ESPN: variants seen among roughly 807,000 people sequenced by gnomAD.
The protein encoded by ESPN is espin.
In ESPN, 68 loss-of-function variants were observed where a neutral mutation model predicts 77.7. The ratio of observed to expected loss-of-function variants is 0.87; its 90% CI spans 0.72 to 1.07. The LOEUF (loss-of-function observed/expected upper bound fraction) is 1.07. ESPN is among the 50% of genes least tolerant of loss of function. ESPN has a pLI of 0.00. For synonymous variants in ESPN, 449 were observed against 567.1 expected (o/e 0.79, Z 2.96); for missense variants, 1,060 against 1,239.0 (o/e 0.86, Z 2.17).
chr1:6,426,679 C>T (rs969425182), intron 1 of ESPN, among the ~76,000 whole-genome samples: 9 of 152,140 alleles, frequency 5.9e-5, no homozygotes. Flanking sequence ...CAGTGGGACC[C>T]CTGGAGCTTC....
intron 10 of ESPN, chr1:6,454,941 T>C (rs951486667): frequency 5.2e-6 from 2 of 384,010 alleles, no homozygotes; most frequent in African/African-American, 4.2e-5. Flanking sequence ...GATCCTCGAG[T>C]GCGGCGTCTC....
chr1:6,460,102 C>A lies in ESPN; in HGVS notation c.2521C>A (p.Gln841Lys). ...GYDESKLAPWQRQVILKKGDI... is the reference protein window; with the variant it reads ...GYDESKLAPWKRQVILKKGDI... ...CGATGAGAGCAAGCTGGCGCCCTGG[C>A]AGCGACAGGTCATCCTGAAGAAGGG... Residue 841 changes from glutamine to lysine, a missense_variant, in exon 13 of 13, where the codon CAG (glutamine) becomes AAG (lysine). This residue lies in a region of ESPN where 374 missense variants were observed against 381.4 expected (regional missense o/e 0.98). Coordinates refer to ENST00000645284, the MANE Select transcript of ESPN (RefSeq NM_031475.3). 1 of 1,613,240 alleles carries A rather than the reference C, an allele frequency of 6.2e-7. No individual in the cohort carries two copies.
Position 6,444,575 on chromosome 1 carries a change from C to G in ESPN, c.1085C>G (p.Ser362Trp). Reference sequence around the variant, plus strand: ...ATGTCCTCACCCAATACCACGGTGTCGGTCCAGCCGCTGAACTTTGACCTC... The same window carrying G: ...ATGTCCTCACCCAATACCACGGTGTGGGTCCAGCCGCTGAACTTTGACCTC... The part of the protein sequence containing the change: ...SGMSSPNTTV[S>W]VQPLNFDLSS... The change falls in exon 6 of 13, where the codon TCG becomes TGG. Residue 362 changes from serine to tryptophan, a missense_variant. By Grantham distance (177) the Ser-to-Trp change is radical (BLOSUM62 -3). Transcript: ENST00000645284. 2 of 1,614,240 alleles carry G rather than the reference C, an allele frequency of 1.2e-6. No homozygotes were observed.
chr1:6,446,439 A>G (rs1295833585), intron 7 of ESPN, among the ~76,000 whole-genome samples: 1 of 152,070 alleles, frequency 6.6e-6, no homozygotes, highest in Admixed American at 6.5e-5. Flanking sequence ...GCTGGGTGGA[A>G]GTGAAGCTGT....
chr1:6,459,236 G>A (rs1199316236), intron 12 of ESPN, among the ~76,000 whole-genome samples: 3 of 140,672 alleles, frequency 2.1e-5, no homozygotes, highest in Middle Eastern at 3.5e-3. Context: ...GCGAGACTCT[G>A]TCTCAATTAA....
intron 10 of ESPN, chr1:6,454,384 G>A: frequency 5.0e-6 from 2 of 398,750 alleles, no homozygotes; most frequent in East Asian, 3.6e-5. Context: ...GCGGGAGCTA[G>A]GCCAGAGGGA....
chr1:6,449,213 G>A (rs1374071658), intron 8 of ESPN, 122 bp downstream of exon 8: 4 of 1,035,346 alleles, frequency 3.9e-6, no homozygotes, highest in Admixed American at 3.8e-5. Context: ...ATGGTCTTCC[G>A]GCCACCCCTA....
intron 5 of ESPN, among the ~76,000 whole-genome samples, chr1:6,442,352 C>A (rs540407024): frequency 6.6e-5 from 10 of 152,088 alleles, no homozygotes; most frequent in Non-Finnish European, 8.8e-5. Flanking sequence ...AGGCAGATCA[C>A]GAGGTCAGTA....
At chr1:6,441,386 C>G (rs1193801007) in intron 5 of ESPN, among the ~76,000 whole-genome samples, 1 of 152,208 alleles carries the variant, frequency 6.6e-6, no homozygotes, top group African/African-American at 2.4e-5. Context: ...CTCACAGCCA[C>G]CCTCTGCAGA....
rs752128711 is a variant in ESPN at position 6,440,668 on chromosome 1, G to A, written c.718G>A (p.Gly240Ser). Residue 240 changes from glycine to serine, a missense_variant, in exon 4 of 13, where the codon GGC (glycine) becomes AGC (serine). Gly to Ser is a moderately conservative substitution (Grantham distance 56). Transcript: ENST00000645284. Reference protein sequence around the residue: ...DVSLSEQDKDGATAMHFAASR... With the variant: ...DVSLSEQDKDSATAMHFAASR... The stretch of plus-strand genomic sequence containing the variant: ...GAGCCTGTCCGAGCAGGACAAAGAC[G>A]GCGCCACCGCCATGCACTTCGCGGC... The A allele has an allele frequency of 3.5e-6, 5 of 1,440,530 alleles. No homozygotes were observed. Among genetic ancestry groups the A allele is most frequent in the South Asian group, 1.2e-5 (1 of 81,762 alleles). 89.2% of individuals were successfully genotyped at this position (1,440,530 alleles called of 1,614,324 possible).
Position 6,451,609 on chromosome 1 carries a change from A to G in ESPN, c.1922A>G (p.Lys641Arg), listed in dbSNP as rs1643944190. 1.2e-6 allele frequency: 2 copies of G among 1,612,924 alleles called. No homozygotes were observed. Among genetic ancestry groups the G allele is most frequent in the Non-Finnish European group, 1.7e-6 (2 of 1,179,826 alleles). The change falls in exon 9 of 13, where the codon AAG becomes AGG. Residue 641 changes from lysine (K) to arginine (R), a missense_variant. By Grantham distance (26) the Lys-to-Arg change is conservative. Transcript: ENST00000645284. The surrounding 1 kb of genome is among the most constrained non-coding windows in gnomAD (Gnocchi z 4.3). The part of the protein sequence containing the change: ...RRSSSSTGST[K>R]SFNMMSPTGD... ...ATCTCCTGCCTCCGCATAGGCACCA[A>G]GTCTTTCAACATGATGTCCCCGACG...
rs201616591 is a variant in ESPN at position 6,447,164 on chromosome 1, T to TG, written c.1464+1229_1464+1230insG. Reference sequence around the variant, plus strand: ...GCCCCCTCCCGGCTGTGTGCGTCCCTCCGGGCTGTGTGCGCCCCTCCCGGC... The same window carrying TG: ...GCCCCCTCCCGGCTGTGTGCGTCCCTGCCGGGCTGTGTGCGCCCCTCCCGGC... On this transcript the variant is annotated intron_variant, in intron 7 of 12. Coordinates refer to ENST00000645284, the MANE Select transcript of ESPN (RefSeq NM_031475.3). This position sits in a 1 kb window ranked among gnomAD's most constrained non-coding sequence, Gnocchi z 5.2. Among the ~76,000 whole-genome samples the TG allele has an allele frequency of 2.7e-5, 4 of 150,728 alleles. No homozygotes were observed. Among genetic ancestry groups the TG allele is most frequent in the Admixed American group, 2.0e-4 (3 of 15,206 alleles).
intron 12 of ESPN, among the ~76,000 whole-genome samples, chr1:6,459,340 G>A (rs186456371): frequency 1.4e-4 from 21 of 152,056 alleles, no homozygotes; most frequent in African/African-American, 4.1e-4. Context: ...CCAGGAGGTC[G>A]AGGCTGCAGT....
Position 6,451,388 on chromosome 1 carries a change from G to C in ESPN, c.1916-215G>C. On this transcript the variant is annotated intron_variant, in intron 8 of 12. Coordinates refer to ENST00000645284, the MANE Select transcript of ESPN (RefSeq NM_031475.3). The surrounding 1 kb of genome is among the most constrained non-coding windows in gnomAD (Gnocchi z 4.3). ...TCCATCCCGTGAGTAGGGTGGGGAA[G>C]ATGGTGGGGTTGCCACAGTCAGGGA... is the stretch of plus-strand genomic sequence containing the variant. 1 of 634,570 alleles carries C rather than the reference G, an allele frequency of 1.6e-6. No individual in the cohort carries two copies. The allele number at this position is 634,570 out of a possible 1,614,324, so 39.3% of individuals were successfully genotyped here. A position where few individuals can be genotyped will look rare whatever the true frequency, so the allele number is the denominator to read the frequency against.
At chr1:6,440,153 C>G in intron 2 of ESPN, 101 bp from the exon 3 acceptor site, 1 of 1,295,732 alleles carries the variant, frequency 7.7e-7, no homozygotes. Context: ...CACCCACTCT[C>G]CCTGCCGTCC....
Position 6,448,996 on chromosome 1 carries a change from C to G in ESPN, c.1820C>G (p.Pro607Arg). 6.9e-7 allele frequency: 1 copy of G among 1,452,488 alleles called. No individual in the cohort carries two copies. Among genetic ancestry groups the G allele is most frequent in the Non-Finnish European group, 9.0e-7 (1 of 1,108,212 alleles). The allele number at this position is 1,452,488 out of a possible 1,614,324, so 90.0% of individuals were successfully genotyped here. Residue 607 changes from proline (P) to arginine (R), a missense_variant, in exon 8 of 13, where the codon CCG becomes CGG. Around this residue, in one of 3 missense-constraint regions of ESPN, gnomAD observed 374 missense variants for 381.4 expected, o/e 0.98. Transcript: ENST00000645284. Reference sequence around the variant, plus strand: ...CCCCCACCGCCGCCGCCGCCCCTGCCGGAGGCCGCGAGTTCGCCACCGCCG... The same window carrying G: ...CCCCCACCGCCGCCGCCGCCCCTGCGGGAGGCCGCGAGTTCGCCACCGCCG... ...PPPPPPPPPL[P>R]EAASSPPPAP... is the part of the protein sequence containing the mutation.
In ESPN at chr1:6,460,433, T is replaced by TATCA; in HGVS notation, c.*289_*292dup. The TATCA allele has an allele frequency of 2.5e-6, 1 of 404,496 alleles. No homozygotes were observed. The highest frequency in any genetic ancestry group is 4.6e-6 in the Non-Finnish European group (1 of 218,312). The allele number at this position is 404,496 out of a possible 1,614,324, so 25.1% of individuals were successfully genotyped here. ...TACATATATTTGCATGTTCGTTGACTATCAAAGAGTGCAGAGCTCTCCCCA... is the reference window on the plus strand; with the variant it reads ...TACATATATTTGCATGTTCGTTGACTATCAATCAAAGAGTGCAGAGCTCTCCCCA... On this transcript the variant is annotated 3_prime_UTR_variant, in exon 13 of 13. Coordinates refer to ENST00000645284, the MANE Select transcript of ESPN (RefSeq NM_031475.3).
Position 6,425,007 on chromosome 1 carries a change from C to T in ESPN, c.52C>T (p.Leu18=), listed in dbSNP as rs1240875389. The change falls in exon 1 of 13, where the codon CTG becomes TTG. Residue 18 remains leucine (L), a synonymous_variant. Coordinates refer to ENST00000645284, the MANE Select transcript of ESPN (RefSeq NM_031475.3). ...GGCGCGGCAGGGCGAGCTGGACGTGCTGAGGTCGCTGCACGCCGCAGGCCT... is the reference window on the plus strand; with the variant it reads ...GGCGCGGCAGGGCGAGCTGGACGTGTTGAGGTCGCTGCACGCCGCAGGCCT... ...QAARQGELDV[L]RSLHAAGLLG... The T allele has an allele frequency of 6.8e-7, 1 of 1,467,802 alleles. No individual in the cohort carries two copies. The highest frequency in any genetic ancestry group is 2.4e-5 in the Admixed American group (1 of 41,570). The allele number at this position is 1,467,802 out of a possible 1,614,324, so 90.9% of individuals were successfully genotyped here. A position where few individuals can be genotyped will look rare whatever the true frequency, so the allele number is the denominator to read the frequency against.
intron 6 of ESPN, among the ~76,000 whole-genome samples, chr1:6,445,208 G>A (rs768284207): frequency 2.6e-5 from 4 of 152,194 alleles, no homozygotes; most frequent in African/African-American, 7.2e-5. Context: ...ACAAATGCAC[G>A]ATCGCCTCGG....
Sources: allele counts gnomAD v4.1 joint callset (sites outside exome capture counted in the v4.1 genomes callset), GRCh38; gene constraint gnomAD v4.1.1; regional missense constraint gnomAD v4.1.1; non-coding constraint Gnocchi (gnomAD v3.1); transcripts MANE v1.5; gene names NCBI Gene and HGNC (gene_info 2026-07-23, HGNC 2026-07-21).